CENPC: variants seen among roughly 807,000 people sequenced by gnomAD.
The protein encoded by CENPC is centromere protein C.
Under a neutral mutation model 112.1 loss-of-function variants are expected in CENPC, and 63 were observed. The observed-to-expected ratio is 0.56, with a 90% confidence interval of 0.46 to 0.69. The LOEUF (loss-of-function observed/expected upper bound fraction) is 0.69, where lower values mean the gene tolerates loss of function less well. Among genes scored for constraint, CENPC ranks in the 30% least tolerant of loss-of-function variants. CENPC has a pLI of 0.00. For synonymous variants in CENPC, 333 were observed against 367.6 expected (o/e 0.91, Z 1.08); for missense variants, 1,000 against 1,103.8 (o/e 0.91, Z 1.33).
intron 16 of CENPC, among the ~76,000 whole-genome samples, chr4:67,491,462 T>G (rs1451606238): frequency 5.3e-4 from 35 of 65,706 alleles, no homozygotes; most frequent in South Asian, 2.7e-3. Flanking sequence ...TATATATATA[T>G]ATATATATAT....
At chr4:67,494,453 T>C (rs1369831153) in intron 13 of CENPC, among the ~76,000 whole-genome samples, 1 of 152,188 alleles carries the variant, frequency 6.6e-6, no homozygotes, top group Non-Finnish European at 1.5e-5. Context: ...CTACTCCTGA[T>C]TCATCATTTC....
At chr4:67,497,372 C>T (rs10440481) in intron 12 of CENPC, among the ~76,000 whole-genome samples, 159 of 151,596 alleles carry the variant, frequency 1.0e-3, no homozygotes, top group African/African-American at 3.5e-3. Flanking sequence ...AGGGACACTC[C>T]GTCTTAAAAA....
chr4:67,537,743 A>C (rs1726768775), intron 4 of CENPC, among the ~76,000 whole-genome samples: 1 of 152,192 alleles, frequency 6.6e-6, no homozygotes, highest in East Asian at 1.9e-4. Context: ...CAGTGAGCCA[A>C]GATAGCACCA....
At chr4:67,495,411 G>T (rs2646285) in intron 12 of CENPC, among the ~76,000 whole-genome samples, 199 bp from the exon 13 acceptor site, 95,071 of 152,078 alleles carry the variant, frequency 0.63, 29,966 homozygotes, top group East Asian at 0.81. Context: ...TTGCTACAAT[G>T]AATACATTGC....
chr4:67,491,017 A>G (rs1379400829), intron 16 of CENPC, among the ~76,000 whole-genome samples: 1 of 151,108 alleles, frequency 6.6e-6, no homozygotes, highest in Admixed American at 6.6e-5. Flanking sequence ...ACAAAACTCC[A>G]TACTTCTAAG....
intron 5 of CENPC, among the ~76,000 whole-genome samples, chr4:67,521,580 T>TA (rs1433523257): frequency 6.6e-6 from 1 of 152,242 alleles, no homozygotes; most frequent in Non-Finnish European, 1.5e-5. Flanking sequence ...CATGCACTGC[T>TA]AGTGTGAATG....
intron 17 of CENPC, among the ~76,000 whole-genome samples, chr4:67,488,039 T>C (rs1375930043): frequency 6.6e-6 from 1 of 151,730 alleles, no homozygotes; most frequent in Non-Finnish European, 1.5e-5. Context: ...AGGTAATATA[T>C]AGAAGAAATA....
rs1052536271 is a variant in CENPC, at chr4:67,472,186, T to C, written c.*419A>G. The C allele has an allele frequency of 6.6e-6, 1 of 152,620 alleles. No homozygotes were observed. Among genetic ancestry groups the C allele is most frequent in the Admixed American group, 6.5e-5 (1 of 15,288 alleles). 9.5% of individuals were successfully genotyped at this position (152,620 alleles called of 1,614,324 possible). On this transcript the variant is annotated 3_prime_UTR_variant, in exon 19 of 19. Transcript: ENST00000273853. ...AGTCACTCATTTTGTGGTATTTTGT[T>C]ACAGCAGTTCTAGGAAATTAATACA...
intron 9 of CENPC, among the ~76,000 whole-genome samples, chr4:67,509,605 A>G (rs1725839436): frequency 1.3e-5 from 2 of 152,178 alleles, no homozygotes; most frequent in Non-Finnish European, 2.9e-5. Context: ...AGATATCTAA[A>G]TCAGAAATTT....
chr4:67,543,130 T>G (rs969185082), intron 2 of CENPC, among the ~76,000 whole-genome samples: 1 of 152,142 alleles, frequency 6.6e-6, no homozygotes, highest in Non-Finnish European at 1.5e-5. Context: ...CCACAGAAGA[T>G]TTAGGAGAGC....
chr4:67,539,986 T>C lies in CENPC; in HGVS notation c.137-52A>G, dbSNP rs1242927563. 1.8e-5 allele frequency: 17 copies of C among 919,750 alleles called. 1 individual carries two copies. In the South Asian group the frequency reaches 3.0e-4, roughly 16 times the overall value. The allele number at this position is 919,750 out of a possible 1,614,324, so 57.0% of individuals were successfully genotyped here. On this transcript the variant is annotated intron_variant, in intron 3 of 18. Transcript: ENST00000273853. ...AAACAAGATATAGTGTAATATCTAT[T>C]AGTCACAATTAAAAGTAGCTGTATA...
At chr4:67,484,128 C>G (rs183787184) in intron 17 of CENPC, among the ~76,000 whole-genome samples, 8 of 152,242 alleles carry the variant, frequency 5.3e-5, no homozygotes, top group Non-Finnish European at 1.0e-4. Flanking sequence ...ATAAGGGTAA[C>G]ATTTATCTTT....
chr4:67,469,410 G>A lies in CENPC; in HGVS notation c.*3195C>T, dbSNP rs1257947381. The A allele has an allele frequency of 6.6e-6, 1 of 152,196 alleles. No homozygotes were observed. Among genetic ancestry groups the A allele is most frequent in the Non-Finnish European group, 1.5e-5 (1 of 68,056 alleles). The allele number at this position is 152,196 out of a possible 1,614,324, so 9.4% of individuals were successfully genotyped here. A position where few individuals can be genotyped will look rare whatever the true frequency, so the allele number is the denominator to read the frequency against. On this transcript the variant is annotated 3_prime_UTR_variant, in exon 19 of 19. Coordinates refer to ENST00000273853, the MANE Select transcript of CENPC (RefSeq NM_001812.4). ...TGCCCAGCCTGGAGTGCAGTTGCGT[G>A]ATCTTGGCTCACTGCAACCATCATC...
intron 18 of CENPC, 88 bp downstream of exon 18, chr4:67,474,800 C>T (rs1369670434): frequency 8.1e-6 from 6 of 743,232 alleles, no homozygotes; most frequent in Admixed American, 2.4e-5. Context: ...AGTCATATCA[C>T]ACTTCATTTT....
At chr4:67,525,689 G>A (rs1726356312) in intron 5 of CENPC, among the ~76,000 whole-genome samples, 1 of 152,236 alleles carries the variant, frequency 6.6e-6, no homozygotes, top group Non-Finnish European at 1.5e-5. Context: ...TGGCAAGGAT[G>A]TGGAGAAACA....
At chr4:67,502,226 GA>G (rs1468476636) in intron 12 of CENPC, among the ~76,000 whole-genome samples, 1 of 152,026 alleles carries the variant, frequency 6.6e-6, no homozygotes, top group Non-Finnish European at 1.5e-5. Context: ...GAATATGTGA[GA>G]ATGTCTACCA....
intron 2 of CENPC, 38 bp from the exon 3 acceptor site, chr4:67,541,088 A>G (rs1437330575): frequency 8.0e-7 from 1 of 1,248,646 alleles, no homozygotes; most frequent in Non-Finnish European, 1.1e-6. Context: ...TTTTCAGAAG[A>G]TATTTCTTTA....
intron 17 of CENPC, among the ~76,000 whole-genome samples, chr4:67,482,538 A>G (rs1200364088): frequency 3.3e-5 from 5 of 152,242 alleles, no homozygotes; most frequent in Admixed American, 6.5e-5. Context: ...TGTGGTATAC[A>G]TGTACCATAG....
intron 9 of CENPC, chr4:67,510,609 T>C: frequency 5.6e-6 from 1 of 179,756 alleles, no homozygotes; most frequent in Non-Finnish European, 1.2e-5. Flanking sequence ...ATCCTGTGAC[T>C]GACTGCCTTA....
Sources: gnomAD v4.1 joint callset for allele counts (sites outside exome capture counted in the v4.1 genomes callset) on GRCh38, gnomAD v4.1.1 for gene constraint, MANE v1.5 for transcripts, NCBI Gene and HGNC (gene_info 2026-07-23, HGNC 2026-07-21) for gene names.